The following VPS35 variants were observed in gnomAD, a reference collection of about 807,000 sequenced individuals.
The protein encoded by VPS35 is vacuolar protein sorting-associated protein 35.
A neutral mutation model predicts 98.1 loss-of-function variants in VPS35; 21 were observed. The ratio of observed to expected loss-of-function variants is 0.21; its 90% CI spans 0.15 to 0.31. The LOEUF (loss-of-function observed/expected upper bound fraction) is 0.31, where lower values mean the gene tolerates loss of function less well. Among genes scored for constraint, VPS35 ranks in the 10% least tolerant of loss-of-function variants. The pLI is 1.00. For missense variants in VPS35, 554 were observed against 950.8 expected (o/e 0.58, Z 5.49); for synonymous variants, 268 against 318.2 (o/e 0.84, Z 1.68).
chr16:46,676,699 AT>A lies in VPS35; in HGVS notation c.805-8del. 1.9e-6 allele frequency: 3 copies of A among 1,554,968 alleles called. No homozygotes were observed. The highest frequency in any genetic ancestry group is 2.7e-6 in the Non-Finnish European group (3 of 1,126,292). ...GAAATTCATCAGGGAAAACCTGAAA[AT>A]CAAATGATCAATACAAATAAAAGTA... On this transcript the variant is annotated splice_polypyrimidine_tract_variant and splice_region_variant and intron_variant, in intron 7 of 16. Coordinates refer to ENST00000299138, the MANE Select transcript of VPS35 (RefSeq NM_018206.6).
chr16:46,668,775 T>C (rs1966025218), intron 13 of VPS35, among the ~76,000 whole-genome samples, 155 bp downstream of exon 13: 1 of 152,222 alleles, frequency 6.6e-6, no homozygotes, highest in Non-Finnish European at 1.5e-5. Context: ...TAGCACAGGA[T>C]AAGTAACAAA....
chr16:46,668,537 A>T (rs1966021903), intron 13 of VPS35, among the ~76,000 whole-genome samples: 1 of 152,216 alleles, frequency 6.6e-6, no homozygotes, highest in South Asian at 2.1e-4. Context: ...ATTTTGAGGA[A>T]GAAAAAAGCT....
intron 1 of VPS35, chr16:46,688,494 C>G (rs1456488381): frequency 6.1e-6 from 6 of 987,440 alleles, no homozygotes; most frequent in Non-Finnish European, 6.0e-6. Flanking sequence ...GCCCAATGCA[C>G]AAATGCTAAA....
In VPS35 at chr16:46,677,357, C is replaced by G; in HGVS notation, c.762G>C (p.Arg254Ser). 4 of 1,613,934 alleles carry G rather than the reference C, an allele frequency of 2.5e-6. No homozygotes were observed. The highest frequency in any genetic ancestry group is 3.4e-6 in the Non-Finnish European group (4 of 1,179,928). The stretch of plus-strand genomic sequence containing the variant: ...TGAGATATTCTTGAGCCAAAGCATC[C>G]CTACAGTTTACAACTTGCTCCAATA... ...TGILEQVVNC[R>S]DALAQEYLME... The change falls in exon 7 of 17, where the codon AGG becomes AGC. Residue 254 changes from arginine (R) to serine (S), a missense_variant. This residue lies in a region of VPS35 where 77 missense variants were observed against 222.3 expected (regional missense o/e 0.35). Coordinates refer to ENST00000299138, the MANE Select transcript of VPS35 (RefSeq NM_018206.6).
rs36310 is a variant in VPS35, at chr16:46,671,590, T to C, written c.1524+115A>G. 1,202,476 of 1,421,958 alleles carry C rather than the reference T, an allele frequency of 0.85. 511,613 individuals carry two copies. Among genetic ancestry groups the C allele is most frequent in the East Asian group, 1 (41,100 of 41,262 alleles). 88.1% of individuals were successfully genotyped at this position (1,421,958 alleles called of 1,614,324 possible). The stretch of plus-strand genomic sequence containing the variant: ...AGGTTCAAGTGAATCTTTAATTCAG[T>C]TGCAATTCCTTCAAAACCATCTAAG... On this transcript the variant is annotated intron_variant, in intron 12 of 16. Transcript: ENST00000299138.
At position 46,674,633 on chromosome 16, in the gene VPS35, A is replaced by G. The variant is rs1186228043; in HGVS notation, c.942T>C (p.Asp314=). The G allele has an allele frequency of 6.2e-7, 1 of 1,611,500 alleles. No homozygotes were observed. Among genetic ancestry groups the G allele is most frequent in the Non-Finnish European group, 8.5e-7 (1 of 1,178,870 alleles). ...DRLALFAHRE[D]GPGIPADIKL... is the part of the protein sequence containing the mutation. Reference sequence around the variant, plus strand: ...TAATATCCGCTGGGATTCCAGGTCCATCTTCACGGTGAGCAAATAAAGCTA... The same window carrying G: ...TAATATCCGCTGGGATTCCAGGTCCGTCTTCACGGTGAGCAAATAAAGCTA... Residue 314 remains aspartate, a synonymous_variant, in exon 9 of 17, where the codon GAT becomes GAC. Transcript: ENST00000299138.
At chr16:46,686,990 C>T (rs775710596) in intron 1 of VPS35, among the ~76,000 whole-genome samples, 2 of 152,170 alleles carry the variant, frequency 1.3e-5, no homozygotes, top group Non-Finnish European at 2.9e-5. Flanking sequence ...TTCTATGAAA[C>T]AGAGATGAGA....
Position 46,677,481 on chromosome 16 carries a change from T to C in VPS35, c.721-83A>G, listed in dbSNP as rs1966169550. 10 of 1,132,784 alleles carry C rather than the reference T, an allele frequency of 8.8e-6. No individual in the cohort carries two copies. In the South Asian group the frequency reaches 1.0e-4, roughly 11 times the overall value. 70.2% of individuals were successfully genotyped at this position (1,132,784 alleles called of 1,614,324 possible). ...TCCTCTAGTAACGCATTTGAACTAC[T>C]AACTTGAAAATCGTATTTGAGATTT... On this transcript the variant is annotated intron_variant, in intron 6 of 16. Coordinates refer to ENST00000299138, the MANE Select transcript of VPS35 (RefSeq NM_018206.6).
At chr16:46,688,679 G>T (rs1223232708) in intron 1 of VPS35, 6 of 1,056,646 alleles carry the variant, frequency 5.7e-6, no homozygotes, top group Non-Finnish European at 6.9e-6. Flanking sequence ...GCGTGGGGAC[G>T]GCCGAGCACA....
At chr16:46,668,034 C>T (rs1429126378) in intron 13 of VPS35, among the ~76,000 whole-genome samples, 2 of 152,130 alleles carry the variant, frequency 1.3e-5, no homozygotes. Context: ...TAAAAATTGG[C>T]CAAAAGCTGC....
intron 13 of VPS35, among the ~76,000 whole-genome samples, chr16:46,664,937 A>C (rs1965966596): frequency 1.3e-5 from 2 of 152,214 alleles, no homozygotes; most frequent in African/African-American, 4.8e-5. Flanking sequence ...ATTCCCTTTT[A>C]GACATAATCT....
At chr16:46,673,875 C>T (rs1241365376) in intron 10 of VPS35, 2 of 185,468 alleles carry the variant, frequency 1.1e-5, no homozygotes, top group South Asian at 1.1e-4. Context: ...CCGCATGCAG[C>T]CCAGGATGGC....
intron 7 of VPS35, among the ~76,000 whole-genome samples, chr16:46,677,090 C>T (rs1174342764): frequency 6.6e-6 from 1 of 151,866 alleles, no homozygotes; most frequent in Admixed American, 6.6e-5. Context: ...GAAACGGCAT[C>T]GTGCTATGTT....
In VPS35 at chr16:46,658,490, A is replaced by T. The variant is rs1965862033; in HGVS notation, c.*1982T>A. On this transcript the variant is annotated 3_prime_UTR_variant, in exon 17 of 17. Transcript: ENST00000299138. ...TTTTATTTACTTTTGTTGGTTTATT[A>T]TTTTTAAAATTGGGTTTACCTCAAC... 1 of 153,744 alleles carries T rather than the reference A, an allele frequency of 6.5e-6. No homozygotes were observed. Among genetic ancestry groups the T allele is most frequent in the South Asian group, 2.1e-4 (1 of 4,836 alleles). 9.5% of individuals were successfully genotyped at this position (153,744 alleles called of 1,614,324 possible).
At chr16:46,663,589 C>T (rs971383807) in intron 13 of VPS35, among the ~76,000 whole-genome samples, 2 of 151,068 alleles carry the variant, frequency 1.3e-5, no homozygotes, top group Admixed American at 6.6e-5. Flanking sequence ...CCAAGTGGGG[C>T]GGGGTTTCAC....
At chr16:46,676,723 G>T (rs372416237) in intron 7 of VPS35, 31 bp from the exon 8 acceptor site, 21 of 1,454,136 alleles carry the variant, frequency 1.4e-5, no homozygotes, top group African/African-American at 2.8e-5. Flanking sequence ...ACAAATAAAA[G>T]TATTTCACGT....
At chr16:46,681,303 G>C in intron 4 of VPS35, 74 bp downstream of exon 4, 1 of 1,595,876 alleles carries the variant, frequency 6.3e-7, no homozygotes, top group South Asian at 1.1e-5. Context: ...TTTTTCTTAA[G>C]CTGATAATCA....
Position 46,658,085 on chromosome 16 carries a change from A to G in VPS35, c.*2387T>C, listed in dbSNP as rs1374847849. ...TTTTAAATGCTAAGTCAATTTCTAA[A>G]TATCTATTTCACTACAGGCAGCCAA... On this transcript the variant is annotated 3_prime_UTR_variant, in exon 17 of 17. Coordinates refer to ENST00000299138, the MANE Select transcript of VPS35 (RefSeq NM_018206.6). 3 of 152,248 alleles carry G rather than the reference A, an allele frequency of 2.0e-5. No homozygotes were observed. The highest frequency in any genetic ancestry group is 1.9e-4 in the East Asian group (1 of 5,202). 9.4% of individuals were successfully genotyped at this position (152,248 alleles called of 1,614,324 possible).
intron 11 of VPS35, 99 bp from the exon 12 acceptor site, chr16:46,671,959 T>G (rs1255528814): frequency 2.0e-6 from 3 of 1,502,374 alleles, no homozygotes; most frequent in Non-Finnish European, 2.7e-6. Flanking sequence ...CAATACAGTA[T>G]CAACAAGATA....
Sources: gnomAD v4.1 joint callset for allele counts (sites outside exome capture counted in the v4.1 genomes callset) on GRCh38, gnomAD v4.1.1 for gene constraint, gnomAD v4.1.1 regional missense constraint, MANE v1.5 for transcripts, NCBI Gene and HGNC (gene_info 2026-07-23, HGNC 2026-07-21) for gene names.